PRR23C: variants seen among roughly 807,000 people sequenced by gnomAD.
PRR23C encodes the protein proline-rich protein 23C.
In PRR23C, 1 loss-of-function variant was observed where a neutral mutation model predicts 0.1. The ratio of observed to expected loss-of-function variants is 6.80; its 90% CI spans 2.41 to 32.24. The LOEUF (loss-of-function observed/expected upper bound fraction) is 32.24. PRR23C is among the 30% of genes most tolerant of loss of function. The pLI is 0.11. For synonymous variants in PRR23C, 172 were observed against 168.1 expected, an observed-to-expected ratio of 1.02 and a Z score of -0.18; for missense variants, 361 against 370.4, an observed-to-expected ratio of 0.97 and a Z score of 0.21.
Position 139,044,626 on chromosome 3 carries a change from C to G in PRR23C, c.-6G>C, listed in dbSNP as rs1327877723. 6.7e-7 allele frequency: 1 copy of G among 1,494,536 alleles called. No individual in the cohort carries two copies. The highest frequency in any genetic ancestry group is 2.6e-5 in the East Asian group (1 of 38,400). 92.6% of individuals were successfully genotyped at this position (1,494,536 alleles called of 1,614,324 possible). Reference sequence around the variant, plus strand: ...CTGCAGGGCCGGCTGCCCATCACCTCGACGGCGCTGCGGACGGCGCTCCTG... The same window carrying G: ...CTGCAGGGCCGGCTGCCCATCACCTGGACGGCGCTGCGGACGGCGCTCCTG... On this transcript the variant is annotated 5_prime_UTR_variant, in exon 1 of 1. Transcript: ENST00000413199. The surrounding 1 kb of genome is among the most constrained non-coding windows in gnomAD (Gnocchi z 7.5).
chr3:139,044,779 G>T lies in PRR23C; in HGVS notation c.-159C>A. 3 of 679,276 alleles carry T rather than the reference G, an allele frequency of 4.4e-6. No individual in the cohort carries two copies. Among genetic ancestry groups the T allele is most frequent in the Non-Finnish European group, 4.1e-6 (2 of 493,732 alleles). 42.1% of individuals were successfully genotyped at this position (679,276 alleles called of 1,614,324 possible). A position where few individuals can be genotyped will look rare whatever the true frequency, so the allele number is the denominator to read the frequency against. ...CTCTGGGGGCGCCTCCCGGAGATCG[G>T]AGTCGGTGCTGCTGCTGGGGGAACC... On this transcript the variant is annotated 5_prime_UTR_variant, in exon 1 of 1. Coordinates refer to ENST00000413199, the MANE Select transcript of PRR23C (RefSeq NM_001134657.1). This position sits in a 1 kb window ranked among gnomAD's most constrained non-coding sequence, Gnocchi z 7.5.
rs765128775 is a variant in PRR23C at position 139,044,154 on chromosome 3, T to C, written c.467A>G (p.Glu156Gly). 1.9e-6 allele frequency: 3 copies of C among 1,613,246 alleles called. No individual in the cohort carries two copies. In the Admixed American group the frequency reaches 5.0e-5, roughly 27 times the overall value. ...PEIAAEEEAY[E>G]EDADSEFPEL... ...CGGGAACTCAGAGTCCGCGTCCTCC[T>C]CGTAGGCCTCTTCCTCGGCAGCGAT... Residue 156 changes from glutamate to glycine, a missense_variant, in exon 1 of 1, where the codon GAG (glutamate) becomes GGG (glycine). Physicochemically the swap from Glu to Gly is moderately conservative, Grantham distance 98. Transcript: ENST00000413199. The surrounding 1 kb of genome is among the most constrained non-coding windows in gnomAD (Gnocchi z 7.5).
chr3:139,044,461 C>T lies in PRR23C; in HGVS notation c.160G>A (p.Val54Met), dbSNP rs1414162844. The change falls in exon 1 of 1, where the codon GTG becomes ATG. Residue 54 changes from valine (V) to methionine (M), a missense_variant. By Grantham distance (21) the Val-to-Met change is conservative (BLOSUM62 1). Coordinates refer to ENST00000413199, the MANE Select transcript of PRR23C (RefSeq NM_001134657.1). This position sits in a 1 kb window ranked among gnomAD's most constrained non-coding sequence, Gnocchi z 7.5. ...ACCACCATGGAGGTGAGCGCGTCCA[C>T]GGCCGGGGTCCCCGCCGGGTCTTCC... is the stretch of plus-strand genomic sequence containing the variant. ...SPEDPAGTPAVDALTSMVVLD... is the reference protein window; with the variant it reads ...SPEDPAGTPAMDALTSMVVLD... 4.5e-6 allele frequency: 7 copies of T among 1,541,410 alleles called. No homozygotes were observed. Among genetic ancestry groups the T allele is most frequent in the African/African-American group, 2.7e-5 (2 of 72,772 alleles).
At position 139,044,233 on chromosome 3, in the gene PRR23C, C is replaced by A. The variant is rs769327815; in HGVS notation, c.388G>T (p.Ala130Ser). The A allele has an allele frequency of 1.9e-6, 3 of 1,610,954 alleles. No individual in the cohort carries two copies. The highest frequency in any genetic ancestry group is 2.5e-6 in the Non-Finnish European group (3 of 1,178,576). The change falls in exon 1 of 1, where the codon GCT becomes TCT. Residue 130 changes from alanine (A) to serine (S), a missense_variant. Transcript: ENST00000413199. The surrounding 1 kb of genome is among the most constrained non-coding windows in gnomAD (Gnocchi z 7.5). ...TCGACGACGACGTCTTCCCCGTGAG[C>A]GCCCAGGAAAACGTCCACTTCCAGG... Reference protein sequence around the residue: ...AGLEVDVFLGAHGEDVVVEQE... With the variant: ...AGLEVDVFLGSHGEDVVVEQE...
rs1937153764 is a variant in PRR23C at position 139,042,701 on chromosome 3, C to T, written c.*1131G>A. ...AATCAATCAATCAATTGAGAATCTA[C>T]ACATACACCATTAAAGAAATTCAGT... On this transcript the variant is annotated 3_prime_UTR_variant, in exon 1 of 1. Coordinates refer to ENST00000413199, the MANE Select transcript of PRR23C (RefSeq NM_001134657.1). The T allele has an allele frequency of 6.6e-6, 1 of 152,188 alleles. No individual in the cohort carries two copies. The highest frequency in any genetic ancestry group is 1.5e-5 in the Non-Finnish European group (1 of 68,034). 9.4% of individuals were successfully genotyped at this position (152,188 alleles called of 1,614,324 possible).
chr3:139,044,399 C>A lies in PRR23C; in HGVS notation c.222G>T (p.Glu74Asp). The A allele has an allele frequency of 6.4e-7, 1 of 1,573,938 alleles. No individual in the cohort carries two copies. The change falls in exon 1 of 1, where the codon GAG (glutamate) becomes GAT (aspartate). Residue 74 changes from glutamate (E) to aspartate (D), a missense_variant. Glu to Asp is a conservative substitution (Grantham distance 45). Coordinates refer to ENST00000413199, the MANE Select transcript of PRR23C (RefSeq NM_001134657.1). The surrounding 1 kb of genome is among the most constrained non-coding windows in gnomAD (Gnocchi z 7.5). ...CGAGCTCCAGCACCAGGTCGACGTC[C>A]TCCAGGGGCACACGCAGGGCACAGC... ...DAGCALRVPL[E>D]DVDLVLELAP...
Position 139,043,102 on chromosome 3 carries a change from G to A in PRR23C, c.*730C>T, listed in dbSNP as rs947587070. On this transcript the variant is annotated 3_prime_UTR_variant, in exon 1 of 1. Coordinates refer to ENST00000413199, the MANE Select transcript of PRR23C (RefSeq NM_001134657.1). ...ACACACATACACACACAGAGTCTTA[G>A]AATTATAAGCTTTTCCAGGATAAAA... 1 of 151,934 alleles carries A rather than the reference G, an allele frequency of 6.6e-6. No individual in the cohort carries two copies. Among genetic ancestry groups the A allele is most frequent in the Non-Finnish European group, 1.5e-5 (1 of 68,000 alleles). 9.4% of individuals were successfully genotyped at this position (151,934 alleles called of 1,614,324 possible). A position where few individuals can be genotyped will look rare whatever the true frequency, so the allele number is the denominator to read the frequency against.
In PRR23C at chr3:139,044,495, C is replaced by A; in HGVS notation, c.126G>T (p.Ala42=). ...TCCCCGCCGGGTCTTCCGGGCTGGGCGCCGCTCGGGATTCGGGGCCCGCGG... is the reference window on the plus strand; with the variant it reads ...TCCCCGCCGGGTCTTCCGGGCTGGGAGCCGCTCGGGATTCGGGGCCCGCGG... ...EEPAGPESRA[A]PSPEDPAGTP... The change falls in exon 1 of 1, where the codon GCG becomes GCT. Residue 42 remains alanine (A), a synonymous_variant. Coordinates refer to ENST00000413199, the MANE Select transcript of PRR23C (RefSeq NM_001134657.1). This position sits in a 1 kb window ranked among gnomAD's most constrained non-coding sequence, Gnocchi z 7.5. 1.3e-6 allele frequency: 2 copies of A among 1,541,720 alleles called. No individual in the cohort carries two copies. The highest frequency in any genetic ancestry group is 2.0e-5 in the Admixed American group (1 of 49,448).
rs775731836 is a variant in PRR23C at position 139,043,946 on chromosome 3, G to A, written c.675C>T (p.Val225=). Reference sequence around the variant, plus strand: ...GTAGAGGTTGGAGAGGTGAGCTGGGGACAGGCTCCAGAAGATGGAATTCCA... The same window carrying A: ...GTAGAGGTTGGAGAGGTGAGCTGGGAACAGGCTCCAGAAGATGGAATTCCA... ...FDLEFHLLEP[V]PSSPLQPLPP... Residue 225 remains valine (V), a synonymous_variant, in exon 1 of 1, where the codon GTC becomes GTT. Coordinates refer to ENST00000413199, the MANE Select transcript of PRR23C (RefSeq NM_001134657.1). 1 of 1,606,772 alleles carries A rather than the reference G, an allele frequency of 6.2e-7. No individual in the cohort carries two copies. The highest frequency in any genetic ancestry group is 8.5e-7 in the Non-Finnish European group (1 of 1,176,500).
Position 139,044,722 on chromosome 3 carries a change from A to G in PRR23C, c.-102T>C. 7.6e-7 allele frequency: 1 copy of G among 1,311,004 alleles called. No homozygotes were observed. Among genetic ancestry groups the G allele is most frequent in the Non-Finnish European group, 1.0e-6 (1 of 998,080 alleles). 81.2% of individuals were successfully genotyped at this position (1,311,004 alleles called of 1,614,324 possible). A position where few individuals can be genotyped will look rare whatever the true frequency, so the allele number is the denominator to read the frequency against. On this transcript the variant is annotated 5_prime_UTR_variant, in exon 1 of 1. Coordinates refer to ENST00000413199, the MANE Select transcript of PRR23C (RefSeq NM_001134657.1). This position sits in a 1 kb window ranked among gnomAD's most constrained non-coding sequence, Gnocchi z 7.5. ...CCTCTTTGAGGTAACAGGTGTCGGC[A>G]GGACCGCGCGACGCGGGGCGAGTCC...
Position 139,043,991 on chromosome 3 carries a change from A to G in PRR23C, c.630T>C (p.Ser210=). 1 of 1,612,332 alleles carries G rather than the reference A, an allele frequency of 6.2e-7. No individual in the cohort carries two copies. Among genetic ancestry groups the G allele is most frequent in the South Asian group, 1.1e-5 (1 of 90,692 alleles). The change falls in exon 1 of 1, where the codon TCT becomes TCC. Residue 210 remains serine (S), a synonymous_variant. Coordinates refer to ENST00000413199, the MANE Select transcript of PRR23C (RefSeq NM_001134657.1). ...LAPNPSSERR[S]PRPIFDLEFH... ...ATTCCAGGTCGAAGATGGGGCGTGG[A>G]GAGCGTCTCTCTGAACTGGGGTTGG...
Position 139,044,579 on chromosome 3 carries a change from G to A in PRR23C, c.42C>T (p.Pro14=), listed in dbSNP as rs1430113434. The change falls in exon 1 of 1, where the codon CCC becomes CCT. Residue 14 remains proline (P), a synonymous_variant. Transcript: ENST00000413199. The surrounding 1 kb of genome is among the most constrained non-coding windows in gnomAD (Gnocchi z 7.5). ...GTCCTCCTGGCTGCTGTCCCCACCA[G>A]GGCGCAAGGCAGGCGCTGGGGCTGC... The part of the protein sequence containing the change: ...RPCSPSACLA[P]WWGQQPGGPG... 1 of 1,538,296 alleles carries A rather than the reference G, an allele frequency of 6.5e-7. No individual in the cohort carries two copies. The highest frequency in any genetic ancestry group is 2.0e-5 in the Admixed American group (1 of 50,496).
At position 139,042,778 on chromosome 3, in the gene PRR23C, G is replaced by T. The variant is rs1937154467; in HGVS notation, c.*1054C>A. 1 of 152,204 alleles carries T rather than the reference G, an allele frequency of 6.6e-6. No individual in the cohort carries two copies. Among genetic ancestry groups the T allele is most frequent in the Non-Finnish European group, 1.5e-5 (1 of 68,036 alleles). 9.4% of individuals were successfully genotyped at this position (152,204 alleles called of 1,614,324 possible). A position where few individuals can be genotyped will look rare whatever the true frequency, so the allele number is the denominator to read the frequency against. On this transcript the variant is annotated 3_prime_UTR_variant, in exon 1 of 1. Coordinates refer to ENST00000413199, the MANE Select transcript of PRR23C (RefSeq NM_001134657.1). ...AAACAAATTATTTCCGGCTGGGTGC[G>T]ATGGCTCGTGCCTGTAATCCCAGCA...
rs1486372563 is a variant in PRR23C at position 139,044,296 on chromosome 3, C to T, written c.325G>A (p.Asp109Asn). The change falls in exon 1 of 1, where the codon GAC becomes AAC. Residue 109 changes from aspartate to asparagine, a missense_variant. By Grantham distance (23) the Asp-to-Asn change is conservative (BLOSUM62 1). Transcript: ENST00000413199. The surrounding 1 kb of genome is among the most constrained non-coding windows in gnomAD (Gnocchi z 7.5). The part of the protein sequence containing the change: ...VIPEVLLSSV[D>N]ECSGAQGDWS... ...TCGCCCTGCGCTCCTGAGCATTCGT[C>T]GACGGAGCTCAGGAGGACCTCGGGG... is the stretch of plus-strand genomic sequence containing the variant. 1.9e-6 allele frequency: 3 copies of T among 1,610,066 alleles called. No individual in the cohort carries two copies. The highest frequency in any genetic ancestry group is 1.7e-6 in the Non-Finnish European group (2 of 1,178,274).
At position 139,042,278 on chromosome 3, in the gene PRR23C, C is replaced by T. The variant is rs1004852559; in HGVS notation, c.*1554G>A. ...TTAGCGCTCTTGCCAGGTTTCTGTA[C>T]GTACTCTTGTGGCCCAAAGGTTCCA... On this transcript the variant is annotated 3_prime_UTR_variant, in exon 1 of 1. Transcript: ENST00000413199. 10 of 152,162 alleles carry T rather than the reference C, an allele frequency of 6.6e-5. No individual in the cohort carries two copies. Among genetic ancestry groups the T allele is most frequent in the East Asian group, 1.9e-4 (1 of 5,194 alleles). 9.4% of individuals were successfully genotyped at this position (152,162 alleles called of 1,614,324 possible).
chr3:139,044,607 G>A lies in PRR23C; in HGVS notation c.14C>T (p.Pro5Leu), dbSNP rs1323365920. MGSR[P>L]CSPSACLAPW... is the part of the protein sequence containing the mutation. ...CGCAAGGCAGGCGCTGGGGCTGCAG[G>A]GCCGGCTGCCCATCACCTCGACGGC... Residue 5 changes from proline to leucine, a missense_variant, in exon 1 of 1, where the codon CCC becomes CTC. Transcript: ENST00000413199. The surrounding 1 kb of genome is among the most constrained non-coding windows in gnomAD (Gnocchi z 7.5). 7.2e-6 allele frequency: 11 copies of A among 1,521,088 alleles called. No homozygotes were observed. The highest frequency in any genetic ancestry group is 9.6e-6 in the Non-Finnish European group (11 of 1,140,290). The allele number at this position is 1,521,088 out of a possible 1,614,324, so 94.2% of individuals were successfully genotyped here. A position where few individuals can be genotyped will look rare whatever the true frequency, so the allele number is the denominator to read the frequency against.
rs994992210 is a variant in PRR23C, at chr3:139,044,443, T to C, written c.178A>G (p.Met60Val). ...GTPAVDALTS[M>V]VVLDAGCALR... ...GCACAGCCCGCGTCCAGGACCACCA[T>C]GGAGGTGAGCGCGTCCACGGCCGGG... The change falls in exon 1 of 1, where the codon ATG becomes GTG. Residue 60 changes from methionine to valine, a missense_variant. Physicochemically the swap from Met to Val is conservative, Grantham distance 21 (BLOSUM62 1). Transcript: ENST00000413199. This position sits in a 1 kb window ranked among gnomAD's most constrained non-coding sequence, Gnocchi z 7.5. The C allele has an allele frequency of 4.5e-6, 7 of 1,550,968 alleles. No individual in the cohort carries two copies. The African/African-American group carries it at 6.8e-5, about 15-fold the overall frequency.
At position 139,044,194 on chromosome 3, in the gene PRR23C, C is replaced by G. The variant is rs375253327; in HGVS notation, c.427G>C (p.Ala143Pro). 3 of 1,613,276 alleles carry G rather than the reference C, an allele frequency of 1.9e-6. No homozygotes were observed. Among genetic ancestry groups the G allele is most frequent in the Non-Finnish European group, 1.7e-6 (2 of 1,179,616 alleles). Residue 143 changes from alanine (A) to proline (P), a missense_variant, in exon 1 of 1, where the codon GCA (alanine) becomes CCA (proline). Coordinates refer to ENST00000413199, the MANE Select transcript of PRR23C (RefSeq NM_001134657.1). The surrounding 1 kb of genome is among the most constrained non-coding windows in gnomAD (Gnocchi z 7.5). ...EDVVVEQEVC[A>P]SVPEIAAEEE... ...TCGGCAGCGATCTCTGGGACAGATG[C>G]GCAGACTTCCTGCTCGACGACGACG...
rs1937150505 is a variant in PRR23C, at chr3:139,042,284, CT to C, written c.*1547del. 1 of 152,166 alleles carries C rather than the reference CT, an allele frequency of 6.6e-6. No homozygotes were observed. The highest frequency in any genetic ancestry group is 2.4e-5 in the African/African-American group (1 of 41,440). 9.4% of individuals were successfully genotyped at this position (152,166 alleles called of 1,614,324 possible). ...CTCTTGCCAGGTTTCTGTACGTACTCTTGTGGCCCAAAGGTTCCATCTAGCT... is the reference window on the plus strand; with the variant it reads ...CTCTTGCCAGGTTTCTGTACGTACTCTGTGGCCCAAAGGTTCCATCTAGCT... On this transcript the variant is annotated 3_prime_UTR_variant, in exon 1 of 1. Coordinates refer to ENST00000413199, the MANE Select transcript of PRR23C (RefSeq NM_001134657.1).
Sources: allele counts gnomAD v4.1 joint callset, GRCh38; gene constraint gnomAD v4.1.1; non-coding constraint Gnocchi (gnomAD v3.1); transcripts MANE v1.5; gene names NCBI Gene and HGNC (gene_info 2026-07-23, HGNC 2026-07-21).